AGAP9: variants seen among roughly 807,000 people sequenced by gnomAD.
AGAP9 encodes the protein arf-GAP with GTPase, ANK repeat and PH domain-containing protein 9.
A neutral mutation model predicts 55.6 loss-of-function variants in AGAP9; 23 were observed. The observed-to-expected ratio is 0.41, with a 90% CI of 0.30 to 0.59. AGAP9 has a LOEUF of 0.59. Among genes scored for constraint, AGAP9 ranks in the 20% least tolerant of loss-of-function variants. The pLI, the probability that AGAP9 is intolerant of heterozygous loss-of-function variation, is 0.25. For missense variants in AGAP9, 309 were observed against 808.1 expected (o/e 0.38, Z 7.49); for synonymous variants, 120 against 305.0 (o/e 0.39, Z 6.32).
chr10:47,515,887 A>G (rs1457899855), intron 4 of AGAP9, among the ~76,000 whole-genome samples: 1 of 109,376 alleles, frequency 9.1e-6, no homozygotes, highest in Non-Finnish European at 1.8e-5. Flanking sequence ...TCCTGCTTCC[A>G]AATAAAGCAG....
Position 47,502,449 on chromosome 10 carries a change from C to T in AGAP9, c.1680G>A (p.Arg560=). 2 of 1,612,438 alleles carry T rather than the reference C, an allele frequency of 1.2e-6. No individual in the cohort carries two copies. The highest frequency in any genetic ancestry group is 1.7e-6 in the Non-Finnish European group (2 of 1,179,918). ...GQTKPSIKST[R]EEKEWWIRSK... Reference sequence around the variant, plus strand: ...AACGGATCCACCATTCCTTCTCTTCCCTCGTGGACTTTATTGAGGGTTTTG... The same window carrying T: ...AACGGATCCACCATTCCTTCTCTTCTCTCGTGGACTTTATTGAGGGTTTTG... Residue 560 remains arginine (R), a synonymous_variant, in exon 8 of 8, where the codon AGG becomes AGA. Transcript: ENST00000452145.
intron 2 of AGAP9, among the ~76,000 whole-genome samples, chr10:47,522,273 C>T (rs1377177281): frequency 4.8e-5 from 7 of 144,462 alleles, no homozygotes; most frequent in African/African-American, 1.8e-4. Flanking sequence ...TGAACCAATC[C>T]CCACCTCTCT....
chr10:47,522,157 G>A lies in AGAP9; in HGVS notation c.292+709C>T, dbSNP rs1336625572. ...GGGGAAGGGACAAAGGGGGAGCCAC[G>A]GCAACAAACACTCTTACAGGGAAGT... is the stretch of plus-strand genomic sequence containing the variant. On this transcript the variant is annotated intron_variant, in intron 2 of 7. Transcript: ENST00000452145. 6.1e-3 allele frequency among the ~76,000 whole-genome samples: 849 copies of A among 139,114 alleles called. 1 individual carries two copies. The highest frequency in any genetic ancestry group is 0.023 in the African/African-American group (810 of 35,568). 91.3% of individuals were successfully genotyped at this position (139,114 alleles called of 152,430 possible).
chr10:47,519,048 A>C (rs1840767392), intron 3 of AGAP9, among the ~76,000 whole-genome samples: 2 of 135,078 alleles, frequency 1.5e-5, no homozygotes, highest in Admixed American at 7.5e-5. Context: ...TCATGTTAAC[A>C]TGTGACCCTT....
chr10:47,516,178 A>T (rs1481655533), intron 4 of AGAP9, among the ~76,000 whole-genome samples: 1 of 69,878 alleles, frequency 1.4e-5, no homozygotes, highest in Non-Finnish European at 2.5e-5. Flanking sequence ...GAAGAACAAG[A>T]CTATCAGTAA....
chr10:47,511,164 C>T (rs1268793234), intron 4 of AGAP9, among the ~76,000 whole-genome samples: 5 of 134,738 alleles, frequency 3.7e-5, no homozygotes, highest in African/African-American at 1.2e-4. Flanking sequence ...AGGATGGTCT[C>T]GATCTCCTCA....
chr10:47,507,781 T>C (rs1334335565), intron 5 of AGAP9, among the ~76,000 whole-genome samples, 198 bp from the exon 6 acceptor site: 1 of 108,672 alleles, frequency 9.2e-6, no homozygotes, highest in Non-Finnish European at 1.9e-5. Context: ...TGCAAGGAAA[T>C]ATGCCGTTAG....
rs1366607151 is a variant in AGAP9, at chr10:47,506,506, C to T, written c.533+1042G>A. ...CCACCACGCCCAGCCATTTTTTGTA[C>T]TTTCAGTAGAGGCGGGTTTTACCAT... On this transcript the variant is annotated intron_variant, in intron 6 of 7. Coordinates refer to ENST00000452145, the MANE Select transcript of AGAP9 (RefSeq NM_001190810.1). Among the ~76,000 whole-genome samples, 18 of 139,744 alleles carry T rather than the reference C, an allele frequency of 1.3e-4. 3 individuals are homozygous for T. Among genetic ancestry groups the T allele is most frequent in the African/African-American group, 4.5e-4 (17 of 37,892 alleles). 91.7% of individuals were successfully genotyped at this position (139,744 alleles called of 152,430 possible).
At chr10:47,514,216 A>C (rs2132489951) in intron 4 of AGAP9, among the ~76,000 whole-genome samples, 1 of 148,412 alleles carries the variant, frequency 6.7e-6, no homozygotes, top group South Asian at 2.1e-4. Flanking sequence ...CCCATCAGTC[A>C]ATGAGCGGAT....
chr10:47,504,753 CT>C (rs1840439488), intron 6 of AGAP9, among the ~76,000 whole-genome samples: 1 of 138,994 alleles, frequency 7.2e-6, no homozygotes, highest in Non-Finnish European at 1.5e-5. Context: ...TGCATTGTGC[CT>C]GTGTATAAAC....
chr10:47,511,376 T>C (rs1311949882), intron 4 of AGAP9, among the ~76,000 whole-genome samples: 1 of 140,874 alleles, frequency 7.1e-6, no homozygotes. Flanking sequence ...TCAGGTGATA[T>C]TGTTACAAAA....
intron 6 of AGAP9, among the ~76,000 whole-genome samples, chr10:47,504,846 C>CT (rs59529030): frequency 0.053 from 2,480 of 46,850 alleles, 123 homozygotes; most frequent in Middle Eastern, 0.068. Flanking sequence ...CATAACTGTT[C>CT]TTTTTTTTTT....
intron 2 of AGAP9, among the ~76,000 whole-genome samples, chr10:47,521,888 C>T (rs1840850578): frequency 6.7e-6 from 1 of 149,764 alleles, no homozygotes; most frequent in African/African-American, 2.5e-5. Context: ...CCAAGCAATT[C>T]TCCCGCCTCA....
Position 47,522,638 on chromosome 10 carries a change from G to GA in AGAP9, c.292+227dup, listed in dbSNP as rs1189117308. Among the ~76,000 whole-genome samples, 938 of 116,072 alleles carry GA rather than the reference G, an allele frequency of 8.1e-3. 21 individuals carry two copies. Among genetic ancestry groups the GA allele is most frequent in the African/African-American group, 0.031 (852 of 27,290 alleles). The allele number at this position is 116,072 out of a possible 152,430, so 76.1% of individuals were successfully genotyped here. ...TTAAATAAGAAATCCCCAAATATTTGAATAGGAACTGTCCTGAGATTTGGC... is the reference window on the plus strand; with the variant it reads ...TTAAATAAGAAATCCCCAAATATTTGAAATAGGAACTGTCCTGAGATTTGGC... On this transcript the variant is annotated intron_variant, in intron 2 of 7. Transcript: ENST00000452145.
At chr10:47,503,937 C>CAAAAAAAAAAAAAA (rs1186798630) in intron 7 of AGAP9, among the ~76,000 whole-genome samples, 10 of 23,442 alleles carry the variant, frequency 4.3e-4, no homozygotes, top group Non-Finnish European at 3.4e-4. Context: ...GAGAGTCCAT[C>CAAAAAAAAAAAAAA]AAAAAAAAAA....
At chr10:47,511,148 T>C (rs1489043896) in intron 4 of AGAP9, among the ~76,000 whole-genome samples, 1 of 133,802 alleles carries the variant, frequency 7.5e-6, no homozygotes, top group Admixed American at 7.6e-5. Context: ...TTTCACCGTG[T>C]TAGCCAGGAT....
rs1206429194 is a variant in AGAP9, at chr10:47,521,450, A to G, written c.293-883T>C. Reference sequence around the variant, plus strand: ...TCCAAGTTACAAAGTCACACTCATAATGAGTCTTAATTATCCTACCTCTTT... The same window carrying G: ...TCCAAGTTACAAAGTCACACTCATAGTGAGTCTTAATTATCCTACCTCTTT... On this transcript the variant is annotated intron_variant, in intron 2 of 7. Transcript: ENST00000452145. Among the ~76,000 whole-genome samples, 152 of 140,068 alleles carry G rather than the reference A, an allele frequency of 1.1e-3. 38 individuals carry two copies. In the East Asian group the frequency reaches 0.04, roughly 37 times the overall value. 91.9% of individuals were successfully genotyped at this position (140,068 alleles called of 152,430 possible).
In AGAP9 at chr10:47,502,516, T is replaced by C. The variant is rs1840374796; in HGVS notation, c.1613A>G (p.Glu538Gly). ...CCCTTCCCAGATGCTGTTGGCTAGC[T>C]CATTGCCAATAGATGACATAACCTT... ...LRKVMSSIGN[E>G]LANSIWEGSS... Residue 538 changes from glutamate (E) to glycine (G), a missense_variant, in exon 8 of 8, where the codon GAG becomes GGG. Glu to Gly is a moderately conservative substitution (Grantham distance 98). Transcript: ENST00000452145. The C allele has an allele frequency of 3.7e-6, 6 of 1,613,112 alleles. No homozygotes were observed. The highest frequency in any genetic ancestry group is 5.1e-6 in the Non-Finnish European group (6 of 1,179,928).
rs1296959858 is a variant in AGAP9, at chr10:47,503,128, C to A, written c.1001G>T (p.Arg334Leu). The A allele has an allele frequency of 6.8e-6, 11 of 1,610,076 alleles. No homozygotes were observed. The highest frequency in any genetic ancestry group is 9.3e-6 in the Non-Finnish European group (11 of 1,179,422). The change falls in exon 8 of 8, where the codon CGG becomes CTG. Residue 334 changes from arginine to leucine, a missense_variant. Coordinates refer to ENST00000452145, the MANE Select transcript of AGAP9 (RefSeq NM_001190810.1). ...KNIHKKEIDL[R>L]TSTIKVPGKW... ...TCCTGGGACTTTGATGGTAGATGTCCGAAGGTCAATCTCTTTTTTATGAAT... is the reference window on the plus strand; with the variant it reads ...TCCTGGGACTTTGATGGTAGATGTCAGAAGGTCAATCTCTTTTTTATGAAT...
Sources: allele counts gnomAD v4.1 joint callset (sites outside exome capture counted in the v4.1 genomes callset), GRCh38; gene constraint gnomAD v4.1.1; transcripts MANE v1.5; gene names NCBI Gene and HGNC (gene_info 2026-07-23, HGNC 2026-07-21).